The following ST7 variants were observed in gnomAD, a reference collection of about 807,000 sequenced individuals.
ST7 encodes the protein suppression of tumorigenicity 7.
In ST7, 28 loss-of-function variants were observed where a neutral mutation model predicts 78.7. That is an observed-to-expected ratio of 0.36 (90% CI 0.26 to 0.49). The LOEUF is 0.49. ST7 is among the 20% of genes least tolerant of loss of function. ST7 has a pLI of 0.99. For synonymous variants in ST7, 247 were observed against 249.6 expected, an observed-to-expected ratio of 0.99 and a Z score of 0.10; for missense variants, 418 against 696.0, an observed-to-expected ratio of 0.60 and a Z score of 4.49.
At chr7:117,020,372 GT>G in intron 1 of ST7, 5 of 482,058 alleles carry the variant, frequency 1.0e-5, no homozygotes, top group South Asian at 4.4e-5. Flanking sequence ...CAGCTCTTCG[GT>G]TTTTGGTGCT....
chr7:116,983,073 T>G (rs1794030419), intron 1 of ST7, among the ~76,000 whole-genome samples: 1 of 152,090 alleles, frequency 6.6e-6, no homozygotes, highest in Non-Finnish European at 1.5e-5. Flanking sequence ...TAATTTTGTA[T>G]TTTGAGTAGA....
chr7:117,140,843 T>C (rs183999629), intron 9 of ST7, among the ~76,000 whole-genome samples: 1 of 152,130 alleles, frequency 6.6e-6, no homozygotes, highest in African/African-American at 2.4e-5. Context: ...ATGGTAGAGA[T>C]ATGTTTTGAA....
intron 1 of ST7, among the ~76,000 whole-genome samples, chr7:117,024,396 C>A (rs1337738915): frequency 1.3e-5 from 2 of 152,024 alleles, no homozygotes; most frequent in African/African-American, 4.8e-5. Flanking sequence ...CCTCTTGTCT[C>A]CTCTCCCATG....
chr7:117,015,223 G>A (rs935980768), intron 1 of ST7, among the ~76,000 whole-genome samples: 2 of 152,118 alleles, frequency 1.3e-5, no homozygotes, highest in Non-Finnish European at 2.9e-5. Context: ...ACATACCTTT[G>A]TTGTTTCTTC....
intron 13 of ST7, among the ~76,000 whole-genome samples, chr7:117,216,402 T>C (rs1245651525): frequency 1.3e-5 from 2 of 152,222 alleles, no homozygotes; most frequent in East Asian, 3.8e-4. Context: ...TCCTCTGAAA[T>C]TTGTGTTTTC....
intron 12 of ST7, among the ~76,000 whole-genome samples, chr7:117,208,902 G>GGTGTGTGT (rs58017025): frequency 8.1e-4 from 113 of 139,890 alleles, no homozygotes; most frequent in African/African-American, 1.9e-3. Flanking sequence ...TGTATGTGTG[G>GGTGTGTGT]GTGTGTGTGT....
At chr7:117,061,978 A>C (rs1798381399) in intron 1 of ST7, among the ~76,000 whole-genome samples, 1 of 152,172 alleles carries the variant, frequency 6.6e-6, no homozygotes, top group Non-Finnish European at 1.5e-5. Context: ...CTCAACAGGA[A>C]TTTCTTTCTC....
At chr7:116,994,818 G>A (rs924520785) in intron 1 of ST7, among the ~76,000 whole-genome samples, 6 of 152,212 alleles carry the variant, frequency 3.9e-5, no homozygotes. Flanking sequence ...GGAAATTGAT[G>A]CTGGGAATAT....
intron 12 of ST7, among the ~76,000 whole-genome samples, chr7:117,199,850 C>A (rs1221743971): frequency 2.0e-5 from 3 of 152,220 alleles, no homozygotes; most frequent in Non-Finnish European, 4.4e-5. Context: ...AGCCCAGGTG[C>A]TCTGTTAACT....
At chr7:117,204,895 G>C (rs532794519) in intron 12 of ST7, among the ~76,000 whole-genome samples, 2 of 152,120 alleles carry the variant, frequency 1.3e-5, no homozygotes, top group African/African-American at 4.8e-5. Context: ...TATAGAGAGA[G>C]AGAAAAATAA....
At chr7:117,177,932 A>G (rs551407974) in intron 10 of ST7, among the ~76,000 whole-genome samples, 51 of 152,328 alleles carry the variant, frequency 3.3e-4, no homozygotes, top group African/African-American at 1.2e-3. Context: ...GACAGTAAGA[A>G]CACATCACAA....
intron 9 of ST7, 45 bp downstream of exon 9, chr7:117,138,577 G>C: frequency 7.2e-7 from 1 of 1,382,326 alleles, no homozygotes; most frequent in South Asian, 1.2e-5. Context: ...ACAGATATAG[G>C]AGCCCGCTGA....
intron 9 of ST7, among the ~76,000 whole-genome samples, chr7:117,142,643 C>T (rs182971013): frequency 1.3e-3 from 191 of 152,150 alleles, no homozygotes; most frequent in African/African-American, 4.3e-3. Context: ...GATGGGGTCT[C>T]TTTCTGTCTC....
At chr7:117,138,652 T>C (rs2117071233) in intron 9 of ST7, 120 bp downstream of exon 9, 1 of 643,432 alleles carries the variant, frequency 1.6e-6, no homozygotes. Context: ...CCAGACTGTG[T>C]GGGGTTCAAC....
At chr7:116,981,471 G>A (rs1793956624) in intron 1 of ST7, among the ~76,000 whole-genome samples, 1 of 152,126 alleles carries the variant, frequency 6.6e-6, no homozygotes, top group Non-Finnish European at 1.5e-5. Flanking sequence ...ATGATGCTAT[G>A]TTTTTCTCAT....
At chr7:116,966,878 T>C (rs1308311464) in intron 1 of ST7, among the ~76,000 whole-genome samples, 4 of 152,242 alleles carry the variant, frequency 2.6e-5, no homozygotes, top group East Asian at 1.9e-4. Context: ...AACAAGTAAC[T>C]ATTGCTTCTT....
intron 3 of ST7, among the ~76,000 whole-genome samples, chr7:117,126,198 C>A (rs1385042403): frequency 2.0e-5 from 3 of 151,758 alleles, no homozygotes; most frequent in Admixed American, 1.3e-4. Context: ...TATAAGAAAC[C>A]CTTCTGGGCC....
chr7:117,228,475 T>G (rs1793586121), intron 15 of ST7, among the ~76,000 whole-genome samples: 2 of 152,166 alleles, frequency 1.3e-5, no homozygotes, highest in South Asian at 4.1e-4. Context: ...GATCCCAAAT[T>G]TTACGCTGTC....
chr7:116,995,540 C>T (rs184181213), intron 1 of ST7, among the ~76,000 whole-genome samples: 3 of 152,204 alleles, frequency 2.0e-5, no homozygotes, highest in Admixed American at 1.3e-4. Flanking sequence ...CCATGGGAAG[C>T]AATCCTGAGT....
Sources: gnomAD v4.1 joint callset for allele counts (sites outside exome capture counted in the v4.1 genomes callset) on GRCh38, gnomAD v4.1.1 for gene constraint, MANE v1.5 for transcripts, NCBI Gene and HGNC (gene_info 2026-07-23, HGNC 2026-07-21) for gene names.